The following KCNJ6 variants were observed in gnomAD, a reference collection of about 807,000 sequenced individuals.
The protein encoded by KCNJ6 is potassium inwardly rectifying channel subfamily J member 6.
Under a neutral mutation model 34.2 loss-of-function variants are expected in KCNJ6, and 9 were observed. The observed-to-expected ratio is 0.26, with a 90% CI of 0.16 to 0.46. KCNJ6 has a LOEUF of 0.46. KCNJ6 is among the 20% of genes least tolerant of loss of function. The pLI is 1.00. For synonymous variants in KCNJ6, 196 were observed against 207.1 expected (o/e 0.95, Z 0.46); for missense variants, 236 against 531.3 (o/e 0.44, Z 5.46).
chr21:37,789,944 C>A (rs958709738), intron 2 of KCNJ6, among the ~76,000 whole-genome samples: 1 of 152,084 alleles, frequency 6.6e-6, no homozygotes, highest in African/African-American at 2.4e-5. Context: ...CTTCAAAGGC[C>A]GCTACATACC....
intron 3 of KCNJ6, among the ~76,000 whole-genome samples, chr21:37,711,623 C>CCCTAAGGGCCTGTTTAATGCCCATAAAT (rs2054752671): frequency 6.6e-6 from 1 of 152,140 alleles, no homozygotes; most frequent in Non-Finnish European, 1.5e-5. Context: ...CATTTTTCTC[C>CCCTAAGGGCCTGTTTAATGCCCATAAAT]CCTAAGGGCC....
In KCNJ6 at chr21:37,608,547, T is replaced by A. The variant is rs1229839927; in HGVS notation, c.*16612A>T. 1 of 152,250 alleles carries A rather than the reference T, an allele frequency of 6.6e-6. No individual in the cohort carries two copies. Among genetic ancestry groups the A allele is most frequent in the Non-Finnish European group, 1.5e-5 (1 of 68,036 alleles). The allele number at this position is 152,250 out of a possible 1,614,324, so 9.4% of individuals were successfully genotyped here. A position where few individuals can be genotyped will look rare whatever the true frequency, so the allele number is the denominator to read the frequency against. ...TCTTCCTCATGAGGCCATTTCTTAC[T>A]GCTTACGCAGAAACTGATCTACTTT... On this transcript the variant is annotated 3_prime_UTR_variant, in exon 4 of 4. Coordinates refer to ENST00000609713, the MANE Select transcript of KCNJ6 (RefSeq NM_002240.5).
intron 3 of KCNJ6, among the ~76,000 whole-genome samples, chr21:37,704,034 G>T (rs140309244): frequency 6.6e-6 from 1 of 152,214 alleles, no homozygotes. Context: ...TTGTAGTCAT[G>T]ACCCATCTGT....
chr21:37,666,801 T>C (rs2123403453), intron 3 of KCNJ6, among the ~76,000 whole-genome samples: 1 of 152,082 alleles, frequency 6.6e-6, no homozygotes, highest in Middle Eastern at 3.4e-3. Flanking sequence ...TTTTGTTCTG[T>C]ACTAAGAAAA....
chr21:37,617,183 TC>T lies in KCNJ6; in HGVS notation c.*7975del. ...TCTTTATCTTTTTTCCTTCCTTCCT[TC>T]CTTCCTTCCTTCCTTCCTTCCTTCC... On this transcript the variant is annotated 3_prime_UTR_variant, in exon 4 of 4. Transcript: ENST00000609713. 7.3e-6 allele frequency: 1 copy of T among 136,998 alleles called. No individual in the cohort carries two copies. Among genetic ancestry groups the T allele is most frequent in the Admixed American group, 7.4e-5 (1 of 13,604 alleles). The allele number at this position is 136,998 out of a possible 1,614,324, so 8.5% of individuals were successfully genotyped here.
rs116083234 is a variant in KCNJ6, at chr21:37,712,854, C to T, written c.946+1357G>A. ...CACAAATGCACCCCCAAATCAGGCTCAAGGTACAGATAGTCCTGTTAACAC... is the reference window on the plus strand; with the variant it reads ...CACAAATGCACCCCCAAATCAGGCTTAAGGTACAGATAGTCCTGTTAACAC... On this transcript the variant is annotated intron_variant, in intron 3 of 3. Coordinates refer to ENST00000609713, the MANE Select transcript of KCNJ6 (RefSeq NM_002240.5). Among the ~76,000 whole-genome samples the T allele has an allele frequency of 6.2e-3, 931 of 150,114 alleles. 20 individuals are homozygous for T. The highest frequency in any genetic ancestry group is 0.022 in the East Asian group (110 of 4,948).
At chr21:37,782,905 A>T (rs2055176313) in intron 2 of KCNJ6, among the ~76,000 whole-genome samples, 2 of 152,196 alleles carry the variant, frequency 1.3e-5, no homozygotes, top group Admixed American at 1.3e-4. Flanking sequence ...GTGATAAATT[A>T]CATGGTTGCC....
intron 1 of KCNJ6, among the ~76,000 whole-genome samples, chr21:37,855,238 T>C (rs2055558833): frequency 6.6e-6 from 1 of 152,242 alleles, no homozygotes; most frequent in African/African-American, 2.4e-5. Context: ...TTCCTACCAG[T>C]CTAGCATGTC....
At chr21:37,643,932 C>A (rs2054392461) in intron 3 of KCNJ6, among the ~76,000 whole-genome samples, 1 of 152,134 alleles carries the variant, frequency 6.6e-6, no homozygotes, top group African/African-American at 2.4e-5. Context: ...TGTGTAGGTT[C>A]ATTGCAGCAC....
chr21:37,705,769 AGAG>A (rs2054716364), intron 3 of KCNJ6, among the ~76,000 whole-genome samples: 1 of 152,342 alleles, frequency 6.6e-6, no homozygotes, highest in South Asian at 2.1e-4. Context: ...TTTAAAAGCT[AGAG>A]GAGAAGTTCT....
chr21:37,833,189 AT>A (rs2055435220), intron 2 of KCNJ6, among the ~76,000 whole-genome samples: 1 of 151,818 alleles, frequency 6.6e-6, no homozygotes, highest in African/African-American at 2.4e-5. Flanking sequence ...TAATTTTTGT[AT>A]TTTTAGTGGA....
chr21:37,841,982 T>C (rs2055483098), intron 1 of KCNJ6, among the ~76,000 whole-genome samples: 1 of 152,236 alleles, frequency 6.6e-6, no homozygotes, highest in South Asian at 2.1e-4. Flanking sequence ...TGACATATAG[T>C]GCTCAATTGT....
intron 2 of KCNJ6, among the ~76,000 whole-genome samples, chr21:37,822,694 C>T (rs941959384): frequency 6.6e-6 from 1 of 152,078 alleles, no homozygotes; most frequent in Non-Finnish European, 1.5e-5. Flanking sequence ...TCTATGGATT[C>T]GATTTTGATT....
chr21:37,813,763 T>C (rs554176946), intron 2 of KCNJ6, among the ~76,000 whole-genome samples: 1 of 152,306 alleles, frequency 6.6e-6, no homozygotes, highest in South Asian at 2.1e-4. Flanking sequence ...CAAAATGTAT[T>C]AAAGACTTAA....
intron 1 of KCNJ6, among the ~76,000 whole-genome samples, chr21:37,900,471 T>C (rs2055811421): frequency 6.6e-6 from 1 of 152,194 alleles, no homozygotes; most frequent in Admixed American, 6.5e-5. Flanking sequence ...CCTAGGAGCT[T>C]GCCTTCTATT....
At chr21:37,699,848 C>T (rs2054681560) in intron 3 of KCNJ6, among the ~76,000 whole-genome samples, 1 of 152,114 alleles carries the variant, frequency 6.6e-6, no homozygotes, top group Non-Finnish European at 1.5e-5. Context: ...GGAGGGGAAC[C>T]TATAGAATAG....
chr21:37,812,198 T>C (rs2211845), intron 2 of KCNJ6, among the ~76,000 whole-genome samples: 64,023 of 152,008 alleles, frequency 0.42, 14,352 homozygotes, highest in Non-Finnish European at 0.49. Flanking sequence ...GTTACCCTAG[T>C]GTTTGGGGAC....
chr21:37,809,131 T>G (rs1019054391), intron 2 of KCNJ6, among the ~76,000 whole-genome samples: 1 of 152,088 alleles, frequency 6.6e-6, no homozygotes, highest in Non-Finnish European at 1.5e-5. Context: ...AACCCAAATG[T>G]CCAACAACGA....
chr21:37,799,767 T>TTA (rs1184551382), intron 2 of KCNJ6, among the ~76,000 whole-genome samples: 1 of 152,200 alleles, frequency 6.6e-6, no homozygotes, highest in African/African-American at 2.4e-5. Context: ...TATCCTTGAC[T>TTA]TATATATATT....
Sources: allele counts gnomAD v4.1 joint callset (sites outside exome capture counted in the v4.1 genomes callset), GRCh38; gene constraint gnomAD v4.1.1; transcripts MANE v1.5; gene names NCBI Gene and HGNC (gene_info 2026-07-23, HGNC 2026-07-21).